Variants in ZER1 observed in about 807,000 individuals in gnomAD.
ZER1 encodes zyg-11 related cell cycle regulator.
A neutral mutation model predicts 78.8 loss-of-function variants in ZER1; 11 were observed. The observed-to-expected ratio is 0.14, with a 90% CI of 0.09 to 0.23. ZER1 has a LOEUF of 0.23. ZER1 is among the 10% of genes least tolerant of loss of function. The probability of loss-of-function intolerance (pLI) is 1.00; values close to 1 mark genes in which losing one functional copy is unlikely to be tolerated. For synonymous variants in ZER1, 400 were observed against 407.0 expected (o/e 0.98, Z 0.21); for missense variants, 588 against 996.9 (o/e 0.59, Z 5.52).
At chr9:128,739,837 T>G (rs1589520947) in intron 13 of ZER1, 94 bp downstream of exon 13, 1 of 1,442,234 alleles carries the variant, frequency 6.9e-7, no homozygotes, top group Non-Finnish European at 9.4e-7. Context: ...AGAAGGAAGG[T>G]GGGAGCTCTG....
intron 15 of ZER1, 103 bp from the exon 16 acceptor site, chr9:128,731,497 G>T: frequency 1.1e-6 from 1 of 929,618 alleles, no homozygotes; most frequent in Non-Finnish European, 1.7e-6. Flanking sequence ...TGTTCATAGT[G>T]ATGGTGATGC....
At position 128,740,948 on chromosome 9, in the gene ZER1, T is replaced by C. The variant is rs956511928; in HGVS notation, c.1738-61A>G. ...GTACTTAATGACTTAGTATCTGGTA[T>C]TGTTAACCAAAAAGCTTCATGGGCA... is the stretch of plus-strand genomic sequence containing the variant. On this transcript the variant is annotated intron_variant, in intron 11 of 15. Transcript: ENST00000291900. The surrounding 1 kb of genome is among the most constrained non-coding windows in gnomAD (Gnocchi z 4.4). The C allele has an allele frequency of 1.3e-6, 1 of 759,336 alleles. No individual in the cohort carries two copies. The highest frequency in any genetic ancestry group is 1.7e-5 in the African/African-American group (1 of 58,092). The allele number at this position is 759,336 out of a possible 1,614,324, so 47.0% of individuals were successfully genotyped here.
chr9:128,738,850 T>C (rs1469795678), intron 13 of ZER1, among the ~76,000 whole-genome samples: 2 of 2,180 alleles, frequency 9.2e-4, no homozygotes, highest in East Asian at 0.05. Flanking sequence ...CCCAGCTCAT[T>C]TTTTTTTTTT....
Position 128,751,675 on chromosome 9 carries a change from A to G in ZER1, c.924-148T>C. ...CCTTTTGTTTTTAATGGTAGGGGAC[A>G]TAAGCACCACCTCCTGATGGAAGCA... is the stretch of plus-strand genomic sequence containing the variant. On this transcript the variant is annotated intron_variant, in intron 5 of 15. Coordinates refer to ENST00000291900, the MANE Select transcript of ZER1 (RefSeq NM_006336.4). This position sits in a 1 kb window ranked among gnomAD's most constrained non-coding sequence, Gnocchi z 5.4. 2 of 658,194 alleles carry G rather than the reference A, an allele frequency of 3.0e-6. No homozygotes were observed. Among genetic ancestry groups the G allele is most frequent in the East Asian group, 2.7e-5 (1 of 36,506 alleles). The allele number at this position is 658,194 out of a possible 1,614,324, so 40.8% of individuals were successfully genotyped here. A position where few individuals can be genotyped will look rare whatever the true frequency, so the allele number is the denominator to read the frequency against.
At chr9:128,746,707 C>T (rs886533625) in intron 8 of ZER1, among the ~76,000 whole-genome samples, 11 of 151,806 alleles carry the variant, frequency 7.2e-5, no homozygotes, top group African/African-American at 2.7e-4. Flanking sequence ...ACCATCTCGG[C>T]TCACTGCAAC....
At chr9:128,735,075 C>T (rs1311617433) in intron 14 of ZER1, among the ~76,000 whole-genome samples, 1 of 151,952 alleles carries the variant, frequency 6.6e-6, no homozygotes, top group Non-Finnish European at 1.5e-5. Context: ...TGTTCCTGCA[C>T]ATGGAAGCGG....
At chr9:128,756,449 G>A (rs957744328) in intron 1 of ZER1, among the ~76,000 whole-genome samples, 1 of 152,138 alleles carries the variant, frequency 6.6e-6, no homozygotes, top group Non-Finnish European at 1.5e-5. Flanking sequence ...ACTCAGATGT[G>A]ACCATTCATA....
intron 1 of ZER1, among the ~76,000 whole-genome samples, chr9:128,768,867 C>T (rs1355188897): frequency 6.6e-6 from 1 of 152,202 alleles, no homozygotes; most frequent in African/African-American, 2.4e-5. Flanking sequence ...CCCTCCCCAC[C>T]TGTCTCCAAG....
At chr9:128,739,510 A>C (rs1863216436) in intron 13 of ZER1, among the ~76,000 whole-genome samples, 1 of 151,522 alleles carries the variant, frequency 6.6e-6, no homozygotes, top group South Asian at 2.1e-4. Context: ...TCAAAAAAAA[A>C]AAAAAAAGAA....
At position 128,754,272 on chromosome 9, in the gene ZER1, C is replaced by T. The variant is rs140454967; in HGVS notation, c.159-313G>A. ...CAGCAGCCCCACTGGCATGGCCACT[C>T]TCGTCACCTTCTTTAAGCCCCTCCT... On this transcript the variant is annotated intron_variant, in intron 2 of 15. Transcript: ENST00000291900. This position sits in a 1 kb window ranked among gnomAD's most constrained non-coding sequence, Gnocchi z 4.3. Among the ~76,000 whole-genome samples, 182 of 152,340 alleles carry T rather than the reference C, an allele frequency of 1.2e-3. No homozygotes were observed. The highest frequency in any genetic ancestry group is 4.3e-3 in the African/African-American group (178 of 41,576).
At chr9:128,762,726 T>C (rs989486814) in intron 1 of ZER1, among the ~76,000 whole-genome samples, 1 of 152,050 alleles carries the variant, frequency 6.6e-6, no homozygotes, top group African/African-American at 2.4e-5. Flanking sequence ...CCGGCCTGGG[T>C]CTCCCACAAC....
intron 1 of ZER1, among the ~76,000 whole-genome samples, chr9:128,763,985 CAA>C (rs34299331): frequency 1.8e-4 from 24 of 132,606 alleles, no homozygotes; most frequent in Admixed American, 2.3e-4. Flanking sequence ...AAAACTCCAT[CAA>C]AAAAAAAAAA....
At chr9:128,742,418 T>C (rs1863332219) in intron 9 of ZER1, 112 bp downstream of exon 9, 6 of 1,246,878 alleles carry the variant, frequency 4.8e-6, no homozygotes, top group Non-Finnish European at 6.9e-6. Context: ...CAGCACACTC[T>C]CCCTCTCCGA....
chr9:128,744,876 C>G (rs1863433250), intron 8 of ZER1, among the ~76,000 whole-genome samples: 1 of 152,160 alleles, frequency 6.6e-6, no homozygotes, highest in African/African-American at 2.4e-5. Flanking sequence ...GTATAGTATT[C>G]CATCATGACA....
At chr9:128,735,713 T>C (rs528049995) in intron 13 of ZER1, among the ~76,000 whole-genome samples, 4 of 136,364 alleles carry the variant, frequency 2.9e-5, no homozygotes, top group Non-Finnish European at 6.2e-5. Flanking sequence ...ACCCAGCCTG[T>C]GGGGAAGAGG....
upstream of ZER1, chr9:128,772,335 C>T (rs1864412353): frequency 6.6e-6 from 1 of 151,766 alleles, no homozygotes; most frequent in Admixed American, 6.5e-5. Flanking sequence ...CACCGTCCCC[C>T]AAAAGGTGCT....
Position 128,753,235 on chromosome 9 carries a change from C to T in ZER1, c.675G>A (p.Val225=), listed in dbSNP as rs900324963. ...AFLTQWKDSL[V]SLVLYNMDLS... is the part of the protein sequence containing the mutation. ...GGTCCATGTTGTAGAGGACGAGGGA[C>T]ACCAGGCTGTCTTTCCACTGGGTGA... The change falls in exon 4 of 16, where the codon GTG becomes GTA. Residue 225 remains valine, a synonymous_variant. Coordinates refer to ENST00000291900, the MANE Select transcript of ZER1 (RefSeq NM_006336.4). This position sits in a 1 kb window ranked among gnomAD's most constrained non-coding sequence, Gnocchi z 7.5. The T allele has an allele frequency of 1.3e-6, 2 of 1,591,306 alleles. No homozygotes were observed. Among genetic ancestry groups the T allele is most frequent in the South Asian group, 1.1e-5 (1 of 87,900 alleles).
At chr9:128,746,883 A>G (rs1023681079) in intron 8 of ZER1, among the ~76,000 whole-genome samples, 1 of 151,798 alleles carries the variant, frequency 6.6e-6, no homozygotes, top group Non-Finnish European at 1.5e-5. Context: ...TGATCCACCC[A>G]CCTTGGCCTC....
At position 128,740,972 on chromosome 9, in the gene ZER1, C is replaced by T; in HGVS notation, c.1738-85G>A. On this transcript the variant is annotated intron_variant, in intron 11 of 15. Coordinates refer to ENST00000291900, the MANE Select transcript of ZER1 (RefSeq NM_006336.4). This position sits in a 1 kb window ranked among gnomAD's most constrained non-coding sequence, Gnocchi z 4.4. ...ATTGTTAACCAAAAAGCTTCATGGGCATCTGGCCATGCCAACTAGACAAAG... is the reference window on the plus strand; with the variant it reads ...ATTGTTAACCAAAAAGCTTCATGGGTATCTGGCCATGCCAACTAGACAAAG... The T allele has an allele frequency of 2.7e-6, 2 of 732,806 alleles. No homozygotes were observed. Among genetic ancestry groups the T allele is most frequent in the Non-Finnish European group, 2.5e-6 (1 of 392,964 alleles). 45.4% of individuals were successfully genotyped at this position (732,806 alleles called of 1,614,324 possible). A position where few individuals can be genotyped will look rare whatever the true frequency, so the allele number is the denominator to read the frequency against.
Sources: allele counts gnomAD v4.1 joint callset (sites outside exome capture counted in the v4.1 genomes callset), GRCh38; gene constraint gnomAD v4.1.1; non-coding constraint Gnocchi (gnomAD v3.1); transcripts MANE v1.5; gene names NCBI Gene and HGNC (gene_info 2026-07-23, HGNC 2026-07-21).